NCOR2: variants seen among roughly 807,000 people sequenced by gnomAD.
The protein encoded by NCOR2 is CTG repeat protein 26.
A neutral mutation model predicts 262.9 loss-of-function variants in NCOR2; 81 were observed. That is an observed-to-expected ratio of 0.31 (90% confidence interval 0.26 to 0.37). NCOR2 has a LOEUF of 0.37. Among genes scored for constraint, NCOR2 ranks in the 10% least tolerant of loss-of-function variants. The probability of loss-of-function intolerance (pLI) is 1.00; values close to 1 mark genes in which losing one functional copy is unlikely to be tolerated. For missense variants in NCOR2, 3,385 were observed against 3,621.4 expected, an observed-to-expected ratio of 0.93 and a Z score of 1.68; for synonymous variants, 1,659 against 1,559.3, an observed-to-expected ratio of 1.06 and a Z score of -1.51.
At chr12:124,475,712 C>T (rs940033689) in intron 3 of NCOR2, among the ~76,000 whole-genome samples, 11 of 152,342 alleles carry the variant, frequency 7.2e-5, no homozygotes, top group East Asian at 5.8e-4. Flanking sequence ...TCCACGTAAC[C>T]GTCATAACCA....
chr12:124,442,901 C>T (rs1004489656), intron 7 of NCOR2, among the ~76,000 whole-genome samples: 6 of 152,138 alleles, frequency 3.9e-5, no homozygotes, highest in African/African-American at 1.2e-4. Context: ...GGGGAGATGA[C>T]GCGAACAGAC....
intron 1 of NCOR2, among the ~76,000 whole-genome samples, chr12:124,487,272 C>A (rs1458077253): frequency 6.6e-6 from 1 of 152,192 alleles, no homozygotes; most frequent in Non-Finnish European, 1.5e-5. Flanking sequence ...GCGACAAACA[C>A]CCGACAGCCA....
chr12:124,390,034 G>C (rs1215942257), intron 16 of NCOR2, among the ~76,000 whole-genome samples: 1 of 152,190 alleles, frequency 6.6e-6, no homozygotes, highest in African/African-American at 2.4e-5. Context: ...CTGGGGAGCA[G>C]AAGGCGTCTC....
At chr12:124,536,843 G>A (rs1379173970), upstream of NCOR2, among the ~76,000 whole-genome samples, 5 of 152,290 alleles carry the variant, frequency 3.3e-5, no homozygotes, top group Admixed American at 1.3e-4. Flanking sequence ...ACAGACTCGC[G>A]CACAAATGTT....
chr12:124,537,303 A>G (rs2051145297), upstream of NCOR2, among the ~76,000 whole-genome samples: 2 of 152,256 alleles, frequency 1.3e-5, no homozygotes, highest in African/African-American at 4.8e-5. Flanking sequence ...AAAATAGTAC[A>G]GAGGGCAGAG....
rs761710529 is a variant in NCOR2 at position 124,354,594 on chromosome 12, T to C, written c.3485-12A>G. The stretch of plus-strand genomic sequence containing the variant: ...TCCGCTGAAGGGTGCTGAGGACCAG[T>C]AAGAGGAGCGAGTCACGTGCTGCCG... On this transcript the variant is annotated splice_polypyrimidine_tract_variant and intron_variant, in intron 25 of 46. Transcript: ENST00000405201. 4.0e-5 allele frequency: 61 copies of C among 1,544,068 alleles called. No individual in the cohort carries two copies. The Middle Eastern group carries it at 8.6e-4, about 22-fold the overall frequency.
intron 18 of NCOR2, 138 bp from the exon 21 acceptor site, chr12:124,374,601 C>T (rs1056264969): frequency 1.2e-5 from 10 of 812,960 alleles, no homozygotes; most frequent in East Asian, 2.7e-5. Flanking sequence ...TCTCCTGCCC[C>T]GACTGCCCTT....
intron 14 of NCOR2, 21 bp from the exon 17 acceptor site, chr12:124,400,694 A>G: frequency 6.2e-7 from 1 of 1,609,956 alleles, no homozygotes; most frequent in East Asian, 2.2e-5. Flanking sequence ...GAGAGGGGAG[A>G]TAGGATGGCT....
chr12:124,395,388 G>A (rs183679228), intron 16 of NCOR2, among the ~76,000 whole-genome samples: 28 of 152,222 alleles, frequency 1.8e-4, no homozygotes, highest in Non-Finnish European at 3.5e-4. Context: ...GCCACCCTGA[G>A]CAGTAATTGT....
intron 3 of NCOR2, among the ~76,000 whole-genome samples, chr12:124,478,009 G>A (rs1018374445): frequency 3.9e-5 from 6 of 152,146 alleles, no homozygotes; most frequent in Admixed American, 1.3e-4. Flanking sequence ...CCCCTACTCC[G>A]GCCACAATGA....
rs2051594862 is a variant in NCOR2, at chr12:124,548,047, A to AAGGAGCCAGCTGGTGGGAGAG, written c.-164-12457_-164-12437dup. ...AACTATGATGATGTGGAATCTGGTG[A>AAGGAGCCAGCTGGTGGGAGAG]AGGAGCCAGCTGGTGGGAGAGAGGG... On this transcript the variant is annotated intron_variant, in intron 1 of 32. Transcript: ENST00000458234. This position sits in a 1 kb window ranked among gnomAD's most constrained non-coding sequence, Gnocchi z 5.1. Among the ~76,000 whole-genome samples, 3 of 152,096 alleles carry AAGGAGCCAGCTGGTGGGAGAG rather than the reference A, an allele frequency of 2.0e-5. No individual in the cohort carries two copies.
At chr12:124,340,175 C>CGCGGCTGCT in exon 37 of NCOR2, 1 of 1,553,680 alleles carries the variant, frequency 6.4e-7, no homozygotes, top group Non-Finnish European at 8.7e-7. Context: ...CCCCCACCCC[C>CGCGGCTGCT]GCCGCTGCTG....
intron 11 of NCOR2, among the ~76,000 whole-genome samples, chr12:124,424,976 T>TA (rs1258399626): frequency 6.6e-6 from 1 of 152,224 alleles, no homozygotes; most frequent in Non-Finnish European, 1.5e-5. Flanking sequence ...CCCAGCCCTC[T>TA]ACGTGCAAGT....
intron 5 of NCOR2, among the ~76,000 whole-genome samples, chr12:124,460,279 T>C (rs1343264154): frequency 6.6e-6 from 1 of 152,204 alleles, no homozygotes; most frequent in Non-Finnish European, 1.5e-5. Flanking sequence ...TACCTGGAAA[T>C]GGAGTGCGGC....
chr12:124,511,505 G>A (rs947611344), intron 1 of NCOR2, among the ~76,000 whole-genome samples: 8 of 152,214 alleles, frequency 5.3e-5, no homozygotes, highest in African/African-American at 1.9e-4. Context: ...CACCAGACGC[G>A]TGGGGAAAGG....
intron 7 of NCOR2, among the ~76,000 whole-genome samples, chr12:124,448,709 A>G (rs891060438): frequency 1.3e-5 from 2 of 152,142 alleles, no homozygotes; most frequent in Non-Finnish European, 2.9e-5. Flanking sequence ...CTACAACAGC[A>G]GCGATCTCCC....
intron 11 of NCOR2, among the ~76,000 whole-genome samples, chr12:124,424,452 A>T (rs1038014807): frequency 5.9e-5 from 9 of 152,144 alleles, no homozygotes; most frequent in African/African-American, 2.2e-4. Flanking sequence ...TCAGGAACCA[A>T]GCGCTGTTTC....
At chr12:124,417,184 AGGCCG>A (rs1302367166) in intron 13 of NCOR2, among the ~76,000 whole-genome samples, 3 of 148,676 alleles carry the variant, frequency 2.0e-5, no homozygotes, top group African/African-American at 5.0e-5. Flanking sequence ...CACGCAGAGC[AGGCCG>A]GACACTCACT....
rs1173022247 is a variant in NCOR2 at position 124,566,511 on chromosome 12, C to T, written c.-165+797G>A. On this transcript the variant is annotated intron_variant, in intron 1 of 32. Transcript: ENST00000458234. The surrounding 1 kb of genome is among the most constrained non-coding windows in gnomAD (Gnocchi z 4.3). ...CGGGGAGGGCGTACCCCACGGGTGC[C>T]CTCACTCCCCGCAGGCCTCTGAGGA... Among the ~76,000 whole-genome samples, 2 of 152,208 alleles carry T rather than the reference C, an allele frequency of 1.3e-5. No homozygotes were observed. Among genetic ancestry groups the T allele is most frequent in the Non-Finnish European group, 2.9e-5 (2 of 68,032 alleles).
Sources: allele counts gnomAD v4.1 joint callset (sites outside exome capture counted in the v4.1 genomes callset), GRCh38; gene constraint gnomAD v4.1.1; non-coding constraint Gnocchi (gnomAD v3.1); transcripts MANE v1.5; gene names NCBI Gene and HGNC (gene_info 2026-07-23, HGNC 2026-07-21).